The following AAK1 variants were observed in gnomAD, a reference collection of about 807,000 sequenced individuals.
AAK1 encodes AP2-associated protein kinase 1.
In AAK1, 37 loss-of-function variants were observed where a neutral mutation model predicts 116.0. That is an observed-to-expected ratio of 0.32 (90% CI 0.25 to 0.42). AAK1 has a LOEUF of 0.42. AAK1 is among the 10% of genes least tolerant of loss of function. AAK1 has a pLI of 1.00. For synonymous variants in AAK1, 458 were observed against 439.9 expected (o/e 1.04, Z -0.51); for missense variants, 919 against 1,170.6 (o/e 0.79, Z 3.14).
Position 69,642,924 on chromosome 2 carries a change from G to T in AAK1, c.117C>A (p.Phe39Leu), listed in dbSNP as rs1439808852. Residue 39 changes from phenylalanine to leucine, a missense_variant, in exon 2 of 22, where the codon TTC becomes TTA. Phe to Leu is a conservative substitution (Grantham distance 22, BLOSUM62 0). Around this residue, in one of 4 missense-constraint regions of AAK1, gnomAD observed 317 missense variants for 490.4 expected, o/e 0.65. Coordinates refer to ENST00000409085, the MANE Select transcript of AAK1 (RefSeq NM_014911.5). ...CTGTGACCTGCTGTCGCCCGATGCC[G>T]AAGACTCTTCCGATGTAGCCACTGC... is the stretch of plus-strand genomic sequence containing the variant. Reference protein sequence around the residue: ...GLGSGYIGRVFGIGRQQVTVD... With the variant: ...GLGSGYIGRVLGIGRQQVTVD... 8 of 1,613,816 alleles carry T rather than the reference G, an allele frequency of 5.0e-6. No homozygotes were observed. The highest frequency in any genetic ancestry group is 6.8e-6 in the Non-Finnish European group (8 of 1,179,874).
At chr2:69,560,560 G>C (rs1006885027) in intron 2 of AAK1, among the ~76,000 whole-genome samples, 4 of 152,212 alleles carry the variant, frequency 2.6e-5, no homozygotes, top group Non-Finnish European at 5.9e-5. Flanking sequence ...AAGATAAAAA[G>C]GATATGATCT....
At chr2:69,615,284 C>T (rs1674275055) in intron 2 of AAK1, among the ~76,000 whole-genome samples, 2 of 152,204 alleles carry the variant, frequency 1.3e-5, no homozygotes, top group South Asian at 4.1e-4. Flanking sequence ...TTCAGTCCTG[C>T]TGGGCACTCA....
intron 2 of AAK1, among the ~76,000 whole-genome samples, chr2:69,622,152 G>A (rs1025646004): frequency 6.6e-6 from 1 of 152,244 alleles, no homozygotes; most frequent in African/African-American, 2.4e-5. Flanking sequence ...AGGTGGGCGT[G>A]GGCTTGGTGG....
chr2:69,497,295 CTTTTTT>C (rs1176401016), intron 16 of AAK1, among the ~76,000 whole-genome samples: 3 of 76,082 alleles, frequency 3.9e-5, no homozygotes, highest in South Asian at 5.2e-4. Flanking sequence ...CATTATCATT[CTTTTTT>C]TTTTTTTTTT....
intron 2 of AAK1, among the ~76,000 whole-genome samples, chr2:69,642,065 C>G (rs1675752785): frequency 6.6e-6 from 1 of 151,994 alleles, no homozygotes; most frequent in Non-Finnish European, 1.5e-5. Context: ...TCCCGAAAGC[C>G]TGGGGGAATC....
intron 2 of AAK1, among the ~76,000 whole-genome samples, chr2:69,633,981 C>T (rs1401580535): frequency 6.6e-6 from 1 of 152,120 alleles, no homozygotes; most frequent in Admixed American, 6.5e-5. Context: ...ACCAGCCTGG[C>T]TAACATGGTG....
chr2:69,517,042 C>A (rs1332025816), intron 12 of AAK1: 6 of 152,080 alleles, frequency 3.9e-5, no homozygotes, highest in Non-Finnish European at 8.8e-5. Context: ...CAAGGCCCCA[C>A]CTCTAGTAAA....
chr2:69,633,475 C>T (rs1424603787), intron 2 of AAK1, among the ~76,000 whole-genome samples: 1 of 151,746 alleles, frequency 6.6e-6, no homozygotes, highest in Non-Finnish European at 1.5e-5. Flanking sequence ...GTGGTACGCG[C>T]CTGCAGTACC....
intron 2 of AAK1, among the ~76,000 whole-genome samples, chr2:69,631,924 G>A (rs1675201767): frequency 6.6e-6 from 1 of 152,096 alleles, no homozygotes; most frequent in Non-Finnish European, 1.5e-5. Context: ...AGGTTGCAGG[G>A]AGCTGAGATC....
intron 2 of AAK1, among the ~76,000 whole-genome samples, 190 bp downstream of exon 2, chr2:69,642,688 C>T (rs76074660): frequency 0.011 from 1,732 of 152,270 alleles, 13 homozygotes; most frequent in Non-Finnish European, 0.019. Flanking sequence ...AACCTCCCCA[C>T]ACCCCCATAA....
intron 2 of AAK1, among the ~76,000 whole-genome samples, chr2:69,587,248 C>A (rs1419940962): frequency 6.6e-6 from 1 of 151,046 alleles, no homozygotes; most frequent in Non-Finnish European, 1.5e-5. Flanking sequence ...CCATGCTCAG[C>A]TTATATATAT....
intron 2 of AAK1, among the ~76,000 whole-genome samples, chr2:69,575,539 G>A (rs1322464561): frequency 1.4e-5 from 2 of 144,648 alleles, no homozygotes; most frequent in Non-Finnish European, 1.5e-5. Flanking sequence ...GCGCAATCTC[G>A]GCTCACTGCA....
In AAK1 at chr2:69,470,639, G is replaced by A. The variant is rs77348643; in HGVS notation, c.*5230C>T. 4,519 of 985,342 alleles carry A rather than the reference G, an allele frequency of 4.6e-3. 177 individuals carry two copies. The African/African-American group carries it at 0.073, about 16-fold the overall frequency. The allele number at this position is 985,342 out of a possible 1,614,324, so 61.0% of individuals were successfully genotyped here. On this transcript the variant is annotated 3_prime_UTR_variant, in exon 22 of 22. Transcript: ENST00000409085. ...TATATTAGGGATTAAGTTAGAGGAG[G>A]GAAGCTGCAAACCTGCGCTCCATTT...
intron 2 of AAK1, among the ~76,000 whole-genome samples, chr2:69,577,571 T>G (rs142065179): frequency 3.6e-4 from 55 of 152,324 alleles, no homozygotes; most frequent in African/African-American, 1.2e-3. Context: ...CAAGAACTAC[T>G]GGTACACAGT....
At position 69,473,300 on chromosome 2, in the gene AAK1, A is replaced by G. The variant is rs1674741660; in HGVS notation, c.*2569T>C. On this transcript the variant is annotated 3_prime_UTR_variant, in exon 22 of 22. Coordinates refer to ENST00000409085, the MANE Select transcript of AAK1 (RefSeq NM_014911.5). Reference sequence around the variant, plus strand: ...GATGGTGGACTAGAGGATGGTCTCAAAGGTCCCTTTGTAGCTCAGGCTATG... The same window carrying G: ...GATGGTGGACTAGAGGATGGTCTCAGAGGTCCCTTTGTAGCTCAGGCTATG... 1.0e-6 allele frequency: 1 copy of G among 984,170 alleles called. No individual in the cohort carries two copies. Among genetic ancestry groups the G allele is most frequent in the African/African-American group, 1.7e-5 (1 of 57,208 alleles). 61.0% of individuals were successfully genotyped at this position (984,170 alleles called of 1,614,324 possible).
intron 2 of AAK1, among the ~76,000 whole-genome samples, chr2:69,610,205 A>G (rs1674018090): frequency 6.6e-6 from 1 of 152,196 alleles, no homozygotes; most frequent in Non-Finnish European, 1.5e-5. Flanking sequence ...AAACCCTCAC[A>G]TATATGGTCA....
At chr2:69,505,422 A>C in intron 16 of AAK1, 147 bp downstream of exon 16, 1 of 410,508 alleles carries the variant, frequency 2.4e-6, no homozygotes, top group African/African-American at 2.1e-5. Flanking sequence ...ATTTTAAATT[A>C]AATAGACCAT....
intron 2 of AAK1, among the ~76,000 whole-genome samples, chr2:69,629,766 TACGA>T (rs1675080165): frequency 6.6e-6 from 1 of 152,174 alleles, no homozygotes; most frequent in South Asian, 2.1e-4. Context: ...TGTTCAAATT[TACGA>T]GTACTCAATT....
chr2:69,585,471 G>C (rs910527809), intron 2 of AAK1, among the ~76,000 whole-genome samples: 1 of 152,144 alleles, frequency 6.6e-6, no homozygotes, highest in African/African-American at 2.4e-5. Flanking sequence ...TCTGACCCTG[G>C]ACTGGGACAG....
Sources: allele counts gnomAD v4.1 joint callset (sites outside exome capture counted in the v4.1 genomes callset), GRCh38; gene constraint gnomAD v4.1.1; regional missense constraint gnomAD v4.1.1; transcripts MANE v1.5; gene names NCBI Gene and HGNC (gene_info 2026-07-23, HGNC 2026-07-21).